The following RIF1 variants were observed in gnomAD, a reference collection of about 807,000 sequenced individuals.
RIF1 encodes telomere-associated protein RIF1.
Under a neutral mutation model 247.1 loss-of-function variants are expected in RIF1, and 45 were observed. That is an observed-to-expected ratio of 0.18 (90% confidence interval 0.14 to 0.23). The LOEUF (loss-of-function observed/expected upper bound fraction) is 0.23, where lower values mean the gene tolerates loss of function less well. Among genes scored for constraint, RIF1 ranks in the 10% least tolerant of loss-of-function variants. The pLI is 1.00. For missense variants in RIF1, 2,967 were observed against 2,862.5 expected, an observed-to-expected ratio of 1.04 and a Z score of -0.83; for synonymous variants, 1,087 against 978.8, an observed-to-expected ratio of 1.11 and a Z score of -2.06.
chr2:151,429,061 A>T, intron 9 of RIF1, 139 bp downstream of exon 9: 1 of 601,176 alleles, frequency 1.7e-6, no homozygotes, highest in Non-Finnish European at 2.9e-6. Context: ...GGGAACAGGA[A>T]TAAATTTGTA....
intron 10 of RIF1, chr2:151,498,320 A>G: frequency 6.4e-7 from 1 of 1,551,384 alleles, no homozygotes; most frequent in Non-Finnish European, 8.7e-7. Flanking sequence ...TGGGGATTGG[A>G]ATTCCTGTCC....
chr2:151,518,975 A>G, the RIF1 span: 2 of 1,611,410 alleles, frequency 1.2e-6, no homozygotes, highest in Non-Finnish European at 1.7e-6. Flanking sequence ...AGAACTGGCA[A>G]GTTGGCTTGT....
chr2:151,484,788 C>T (rs1296995137), downstream of RIF1, among the ~76,000 whole-genome samples: 1 of 152,188 alleles, frequency 6.6e-6, no homozygotes, highest in African/African-American at 2.4e-5. Context: ...TCTGCCTTTT[C>T]TTGGGTCTGC....
At chr2:151,513,637 C>T in the RIF1 span, 1 of 1,610,476 alleles carries the variant, frequency 6.2e-7, no homozygotes, top group East Asian at 2.2e-5. Context: ...TTTCATTGGC[C>T]ATGGCATTCA....
At chr2:151,518,522 G>A in the RIF1 span, 1 of 749,486 alleles carries the variant, frequency 1.3e-6, no homozygotes, top group Non-Finnish European at 2.3e-6. Flanking sequence ...CCATTGTCAA[G>A]ATCAAACTAA....
At chr2:151,502,940 G>A in intron 11 of RIF1, 3 of 1,072,756 alleles carry the variant, frequency 2.8e-6, no homozygotes, top group Admixed American at 2.3e-5. Context: ...CAGAGAGTAA[G>A]GAAGGAAGGA....
At chr2:151,443,415 GT>G in intron 17 of RIF1, 86 bp downstream of exon 17, 2 of 1,331,030 alleles carry the variant, frequency 1.5e-6, no homozygotes, top group South Asian at 1.4e-5. Flanking sequence ...ATAAGTTTAA[GT>G]TTTTTTAAAA....
chr2:151,427,057 GT>G (rs1226755407), intron 8 of RIF1, among the ~76,000 whole-genome samples: 1 of 151,132 alleles, frequency 6.6e-6, no homozygotes, highest in African/African-American at 2.4e-5. Context: ...GCTAACTTGT[GT>G]GTTTTTTATT....
chr2:151,444,484 A>AT (rs1692904935), intron 18 of RIF1, among the ~76,000 whole-genome samples: 1 of 152,154 alleles, frequency 6.6e-6, no homozygotes, highest in Non-Finnish European at 1.5e-5. Flanking sequence ...TAATTTTTGT[A>AT]TTTTTAGTCA....
At chr2:151,437,072 A>G in intron 12 of RIF1, 69 bp downstream of exon 12, 1 of 1,392,756 alleles carries the variant, frequency 7.2e-7, no homozygotes, top group Non-Finnish European at 9.8e-7. Context: ...TGGGGTGAGG[A>G]GAGGTGTTAT....
At chr2:151,483,215 C>G (rs574329178), downstream of RIF1, 2 of 152,190 alleles carry the variant, frequency 1.3e-5, no homozygotes, top group South Asian at 4.2e-4. Context: ...GAAGATGGCT[C>G]TTTGCAGCCT....
the RIF1 span, among the ~76,000 whole-genome samples, chr2:151,528,785 G>T: frequency 6.6e-6 from 1 of 152,220 alleles, no homozygotes; most frequent in African/African-American, 2.4e-5. Flanking sequence ...CAGGAAGAAG[G>T]TCTAGGCCAA....
intron 21 of RIF1, among the ~76,000 whole-genome samples, 156 bp from the exon 22 acceptor site, chr2:151,454,739 T>G (rs1694914684): frequency 6.6e-6 from 1 of 152,202 alleles, no homozygotes; most frequent in Non-Finnish European, 1.5e-5. Flanking sequence ...CCATTAATGG[T>G]ACATTATGTT....
intron 10 of RIF1, among the ~76,000 whole-genome samples, chr2:151,495,778 A>G (rs1335945376): frequency 6.6e-6 from 1 of 152,230 alleles, no homozygotes; most frequent in Non-Finnish European, 1.5e-5. Flanking sequence ...CAAAACTACT[A>G]TTGGATCATA....
chr2:151,482,827 T>C (rs1394322797), downstream of RIF1, among the ~76,000 whole-genome samples: 1 of 152,130 alleles, frequency 6.6e-6, no homozygotes, highest in Non-Finnish European at 1.5e-5. Flanking sequence ...ATCAGCAGGG[T>C]TTGTTCCTTC....
rs191559371 is a variant in RIF1, at chr2:151,461,722, T to C, written c.3227+433T>C. ...TACTAAATTTTAATGCGAAAAGTTA[T>C]ACTTTACATAAATGCATTTCATAAT... is the stretch of plus-strand genomic sequence containing the variant. On this transcript the variant is annotated intron_variant, in intron 27 of 35. Transcript: ENST00000444746. Among the ~76,000 whole-genome samples, 546 of 152,250 alleles carry C rather than the reference T, an allele frequency of 3.6e-3. 2 individuals carry two copies. Among genetic ancestry groups the C allele is most frequent in the Non-Finnish European group, 6.1e-3 (417 of 68,016 alleles).
intron 22 of RIF1, among the ~76,000 whole-genome samples, chr2:151,455,755 T>C (rs1257462485): frequency 2.0e-5 from 3 of 152,036 alleles, no homozygotes; most frequent in Non-Finnish European, 4.4e-5. Flanking sequence ...GGCAGGAGGG[T>C]GGTCCTGGAA....
chr2:151,524,723 G>A, the RIF1 span: 1 of 882,098 alleles, frequency 1.1e-6, no homozygotes, highest in Non-Finnish European at 1.7e-6. Context: ...CTTGAGTGCA[G>A]TGGTACAATC....
chr2:151,461,174 G>A lies in RIF1; in HGVS notation c.3112G>A (p.Glu1038Lys), dbSNP rs755133885. The change falls in exon 27 of 36, where the codon GAA (glutamate) becomes AAA (lysine). Residue 1038 changes from glutamate to lysine, a missense_variant. Coordinates refer to ENST00000444746, the MANE Select transcript of RIF1 (RefSeq NM_018151.5). ...ATCTTCGTCTTTAAAAGTAAAGGGT[G>A]AAATTCTTTTGGAAGAGGAAAAGTC... ...LESSSLKVKG[E>K]ILLEEEKSTD... 1.9e-6 allele frequency: 3 copies of A among 1,612,746 alleles called. No individual in the cohort carries two copies. The highest frequency in any genetic ancestry group is 2.5e-6 in the Non-Finnish European group (3 of 1,179,662).
Sources: allele counts gnomAD v4.1 joint callset (sites outside exome capture counted in the v4.1 genomes callset), GRCh38; gene constraint gnomAD v4.1.1; transcripts MANE v1.5; gene names NCBI Gene and HGNC (gene_info 2026-07-23, HGNC 2026-07-21).